The following METTL15 variants were observed in gnomAD, a reference collection of about 807,000 sequenced individuals.
METTL15 encodes methyltransferase 15, mitochondrial 12S rRNA N4-cytidine.
In METTL15, 34 loss-of-function variants were observed where a neutral mutation model predicts 38.3. The ratio of observed to expected loss-of-function variants is 0.89; its 90% CI spans 0.68 to 1.18. The LOEUF (loss-of-function observed/expected upper bound fraction) is 1.18, where lower values mean the gene tolerates loss of function less well. Among genes scored for constraint, METTL15 ranks in the 50% most tolerant of loss-of-function variants. The probability of loss-of-function intolerance (pLI) is 0.00; values close to 1 mark genes in which losing one functional copy is unlikely to be tolerated. For synonymous variants in METTL15, 162 were observed against 170.9 expected (o/e 0.95, Z 0.41); for missense variants, 438 against 498.4 (o/e 0.88, Z 1.15).
chr11:28,274,341 T>A (rs1855760642), intron 4 of METTL15, among the ~76,000 whole-genome samples: 1 of 152,068 alleles, frequency 6.6e-6, no homozygotes, highest in South Asian at 2.1e-4. Context: ...AATATTCTTC[T>A]TATGTAATAA....
intron 4 of METTL15, among the ~76,000 whole-genome samples, chr11:28,284,933 A>G (rs1856194765): frequency 6.6e-6 from 1 of 152,156 alleles, no homozygotes; most frequent in Non-Finnish European, 1.5e-5. Flanking sequence ...TGTAATCTCC[A>G]TAATCTCCAT....
intron 3 of METTL15, among the ~76,000 whole-genome samples, chr11:28,149,785 C>A (rs1325403401): frequency 6.6e-6 from 1 of 151,402 alleles, no homozygotes; most frequent in African/African-American, 2.4e-5. Flanking sequence ...ACAAAAAGGC[C>A]TATATAAAAA....
intron 3 of METTL15, among the ~76,000 whole-genome samples, chr11:28,185,338 G>T (rs1484117413): frequency 6.6e-6 from 1 of 151,298 alleles, no homozygotes; most frequent in East Asian, 1.9e-4. Context: ...ACTGTTTTGG[G>T]TTCAAATCCC....
chr11:28,294,290 A>T (rs1442324593), intron 5 of METTL15, among the ~76,000 whole-genome samples: 2 of 152,162 alleles, frequency 1.3e-5, no homozygotes, highest in Non-Finnish European at 2.9e-5. Flanking sequence ...AAAGTCATAG[A>T]TTCAAACATG....
chr11:28,474,742 G>A (rs1319025586), intron 6 of METTL15, among the ~76,000 whole-genome samples: 1 of 152,194 alleles, frequency 6.6e-6, no homozygotes, highest in Non-Finnish European at 1.5e-5. Context: ...TGAAAATGCT[G>A]TTAACAGAAA....
intron 3 of METTL15, among the ~76,000 whole-genome samples, chr11:28,144,552 A>G (rs2133670296): frequency 6.6e-6 from 1 of 152,258 alleles, no homozygotes; most frequent in Non-Finnish European, 1.5e-5. Flanking sequence ...GTTTATGAGG[A>G]CTAATAGGAT....
chr11:28,294,671 A>C (rs911893680), intron 5 of METTL15, among the ~76,000 whole-genome samples: 8 of 152,244 alleles, frequency 5.3e-5, no homozygotes, highest in African/African-American at 1.4e-4. Flanking sequence ...TGACAAGATC[A>C]AATCTATTAG....
chr11:28,190,590 T>TA (rs1194385320), intron 3 of METTL15, among the ~76,000 whole-genome samples: 1 of 151,170 alleles, frequency 6.6e-6, no homozygotes, highest in Non-Finnish European at 1.5e-5. Flanking sequence ...AAAATTAAGG[T>TA]ATAAATTTTA....
In METTL15 at chr11:28,504,902, C is replaced by G. The variant is rs1013386171; in HGVS notation, c.*425-21576C>G. On this transcript the variant is annotated intron_variant and NMD_transcript_variant, in intron 6 of 7. Transcript: ENST00000532947. The stretch of plus-strand genomic sequence containing the variant: ...GCTAGTATAGAGCTGTCATTATTCA[C>G]TGGGGAGCCTTGCTTAGGAGGCAGT... Among the ~76,000 whole-genome samples, 10 of 152,312 alleles carry G rather than the reference C, an allele frequency of 6.6e-5. No homozygotes were observed. The East Asian group carries it at 1.7e-3, about 26-fold the overall frequency.
chr11:28,136,245 G>A (rs546447679), intron 3 of METTL15, among the ~76,000 whole-genome samples: 10 of 152,106 alleles, frequency 6.6e-5, no homozygotes, highest in Non-Finnish European at 1.2e-4. Flanking sequence ...CCCTTGTGTC[G>A]AGGGTGGGCC....
chr11:28,271,380 A>G (rs1855632302), intron 4 of METTL15, among the ~76,000 whole-genome samples: 1 of 152,146 alleles, frequency 6.6e-6, no homozygotes, highest in Non-Finnish European at 1.5e-5. Context: ...CAGGAAACCT[A>G]CTTAGGTTGG....
intron 6 of METTL15, among the ~76,000 whole-genome samples, chr11:28,492,026 C>T (rs974554919): frequency 2.0e-5 from 3 of 152,062 alleles, no homozygotes; most frequent in Non-Finnish European, 4.4e-5. Context: ...CCTTTAGGAG[C>T]CTGGCACAAG....
downstream of METTL15, among the ~76,000 whole-genome samples, chr11:28,335,008 T>C (rs199645368): frequency 2.0e-4 from 30 of 152,304 alleles, no homozygotes; most frequent in East Asian, 5.6e-3. Flanking sequence ...AGTTTTCTAC[T>C]ATTAGCTGTT....
chr11:28,216,734 C>A (rs1370912328), intron 4 of METTL15, among the ~76,000 whole-genome samples: 1 of 126,930 alleles, frequency 7.9e-6, no homozygotes, highest in Non-Finnish European at 1.6e-5. Context: ...ACAACAGGCC[C>A]CAGTGTATGC....
intron 4 of METTL15, among the ~76,000 whole-genome samples, chr11:28,353,603 G>T (rs1012365402): frequency 2.0e-5 from 3 of 152,148 alleles, no homozygotes; most frequent in Non-Finnish European, 2.9e-5. Context: ...TGGGATGCAA[G>T]AGATCTTTTC....
chr11:28,197,426 C>A, intron 3 of METTL15: 1 of 332,482 alleles, frequency 3.0e-6, no homozygotes, highest in Non-Finnish European at 6.4e-6. Flanking sequence ...ATTTATATGA[C>A]ACTACTTTTT....
chr11:28,498,915 A>G (rs1428454642), intron 6 of METTL15, among the ~76,000 whole-genome samples: 1 of 152,062 alleles, frequency 6.6e-6, no homozygotes, highest in Non-Finnish European at 1.5e-5. Context: ...TGTATCCCAG[A>G]TTATAGGAGG....
chr11:28,313,092 A>AC (rs1429702432), intron 6 of METTL15, among the ~76,000 whole-genome samples: 1 of 152,116 alleles, frequency 6.6e-6, no homozygotes, highest in African/African-American at 2.4e-5. Flanking sequence ...TTATACAAAA[A>AC]CCTAGGTTCA....
intron 4 of METTL15, among the ~76,000 whole-genome samples, chr11:28,288,082 A>G (rs977652947): frequency 6.6e-6 from 1 of 152,196 alleles, no homozygotes; most frequent in African/African-American, 2.4e-5. Context: ...ATCACTGATC[A>G]TTAGAGAAAT....
Sources: gnomAD v4.1 joint callset for allele counts (sites outside exome capture counted in the v4.1 genomes callset) on GRCh38, gnomAD v4.1.1 for gene constraint, MANE v1.5 for transcripts, NCBI Gene and HGNC (gene_info 2026-07-23, HGNC 2026-07-21) for gene names.